The following NKAIN2 variants were observed in gnomAD, a reference collection of about 807,000 sequenced individuals.
NKAIN2 encodes sodium/potassium transporting ATPase interacting 2, also known as sodium/potassium-transporting ATPase subunit beta-1-interacting protein 2.
A neutral mutation model predicts 32.6 loss-of-function variants in NKAIN2; 14 were observed. The ratio of observed to expected loss-of-function variants is 0.43; its 90% CI spans 0.28 to 0.67. NKAIN2 has a LOEUF of 0.67. Among genes scored for constraint, NKAIN2 ranks in the 30% least tolerant of loss-of-function variants. NKAIN2 has a pLI of 0.17. For missense variants in NKAIN2, 198 were observed against 258.3 expected (o/e 0.77, Z 1.60); for synonymous variants, 80 against 87.2 (o/e 0.92, Z 0.46).
chr6:124,446,166 T>G (rs889194905), intron 3 of NKAIN2, among the ~76,000 whole-genome samples: 9 of 152,222 alleles, frequency 5.9e-5, no homozygotes, highest in African/African-American at 2.2e-4. Context: ...AAGCAAACAC[T>G]ACATTATTGC....
intron 3 of NKAIN2, among the ~76,000 whole-genome samples, chr6:124,630,616 G>GACTAAAAAAAAGTGATTGCTATGAATT (rs1783526677): frequency 1.3e-5 from 2 of 151,910 alleles, no homozygotes; most frequent in Admixed American, 6.6e-5. Context: ...GAATTATTTA[G>GACTAAAAAAAAGTGATTGCTATGAATT]ACTAAAAAAA....
rs574264643 is a variant in NKAIN2 at position 124,128,156 on chromosome 6, T to C, written c.55-154849T>C. 3.3e-5 allele frequency among the ~76,000 whole-genome samples: 5 copies of C among 152,230 alleles called. No individual in the cohort carries two copies. In the East Asian group the frequency reaches 5.8e-4, roughly 18 times the overall value. On this transcript the variant is annotated intron_variant, in intron 1 of 6. Coordinates refer to ENST00000368417, the MANE Select transcript of NKAIN2 (RefSeq NM_001040214.3). ...TGGTTGCTATTTTATGTGTTGGCAG[T>C]TGGGAGACCTGACAGTCATTTTTCT...
chr6:124,801,110 A>G (rs1176710407), intron 5 of NKAIN2, among the ~76,000 whole-genome samples: 3 of 152,132 alleles, frequency 2.0e-5, no homozygotes, highest in Non-Finnish European at 4.4e-5. Flanking sequence ...CCAAGGCCCC[A>G]ACTTTTTCAT....
chr6:123,896,790 G>A (rs1274223905), intron 1 of NKAIN2, among the ~76,000 whole-genome samples: 1 of 152,132 alleles, frequency 6.6e-6, no homozygotes, highest in Non-Finnish European at 1.5e-5. Context: ...TCAGATGTAA[G>A]AATTCTGAAA....
Position 124,365,302 on chromosome 6 carries a change from T to G in NKAIN2, c.273+9955T>G, listed in dbSNP as rs557170233. On this transcript the variant is annotated intron_variant, in intron 3 of 6. Transcript: ENST00000368417. Reference sequence around the variant, plus strand: ...ATTGTTGTCTATAAGAGATATGCCTTAAATAGGATTTAAATTATAAGTTAA... The same window carrying G: ...ATTGTTGTCTATAAGAGATATGCCTGAAATAGGATTTAAATTATAAGTTAA... Among the ~76,000 whole-genome samples, 2 of 152,020 alleles carry G rather than the reference T, an allele frequency of 1.3e-5. 1 individual carries two copies. Among genetic ancestry groups the G allele is most frequent in the Admixed American group, 1.3e-4 (2 of 15,270 alleles).
rs537031194 is a variant in NKAIN2 at position 124,377,163 on chromosome 6, A to C, written c.273+21816A>C. ...AATGGGTGATATTTAATATCAGTGC[A>C]TTCTTTGACATTGGATATTTTGAAA... On this transcript the variant is annotated intron_variant, in intron 3 of 6. Transcript: ENST00000368417. Among the ~76,000 whole-genome samples the C allele has an allele frequency of 5.7e-4, 87 of 152,232 alleles. 1 individual carries two copies. Among genetic ancestry groups the C allele is most frequent in the Non-Finnish European group, 1.0e-3 (68 of 68,038 alleles).
chr6:124,075,148 T>G (rs1222188490), intron 1 of NKAIN2, among the ~76,000 whole-genome samples: 1 of 152,164 alleles, frequency 6.6e-6, no homozygotes, highest in African/African-American at 2.4e-5. Context: ...GAGAAAAACT[T>G]CTGTTATTGT....
intron 1 of NKAIN2, among the ~76,000 whole-genome samples, chr6:124,241,025 A>G (rs1793064718): frequency 6.6e-6 from 1 of 152,214 alleles, no homozygotes; most frequent in African/African-American, 2.4e-5. Flanking sequence ...CTTTAAGCTG[A>G]TAAGCAGCTT....
At chr6:124,671,963 A>G (rs865828612) in intron 4 of NKAIN2, among the ~76,000 whole-genome samples, 6 of 151,970 alleles carry the variant, frequency 3.9e-5, no homozygotes, top group African/African-American at 1.2e-4. Context: ...ATTGGCCACC[A>G]AGAACCATAC....
At chr6:124,569,736 G>A (rs1781056059) in intron 3 of NKAIN2, among the ~76,000 whole-genome samples, 1 of 152,106 alleles carries the variant, frequency 6.6e-6, no homozygotes, top group African/African-American at 2.4e-5. Flanking sequence ...TTTCTTCCCA[G>A]TATCAGGTAT....
chr6:124,170,412 C>T (rs1036768266), intron 1 of NKAIN2, among the ~76,000 whole-genome samples: 3 of 152,102 alleles, frequency 2.0e-5, no homozygotes, highest in African/African-American at 7.2e-5. Flanking sequence ...TCTATTTACC[C>T]TAACCTGAAT....
intron 1 of NKAIN2, among the ~76,000 whole-genome samples, chr6:124,086,195 C>T (rs1454957180): frequency 6.6e-6 from 1 of 151,960 alleles, no homozygotes; most frequent in African/African-American, 2.4e-5. Context: ...CCCTCTCCAG[C>T]TCCCAACTCA....
intron 3 of NKAIN2, among the ~76,000 whole-genome samples, chr6:124,623,578 T>C (rs911306049): frequency 2.0e-5 from 3 of 152,186 alleles, no homozygotes; most frequent in African/African-American, 7.2e-5. Context: ...AAGCATAGTA[T>C]GAAATTGTAT....
chr6:123,805,715 A>G (rs1371162776), intron 1 of NKAIN2, among the ~76,000 whole-genome samples: 1 of 152,204 alleles, frequency 6.6e-6, no homozygotes, highest in Non-Finnish European at 1.5e-5. Context: ...TAAACAACCC[A>G]TTAGGCTAAG....
intron 1 of NKAIN2, among the ~76,000 whole-genome samples, chr6:123,911,812 T>TACACAC (rs60501930): frequency 0.014 from 1,212 of 85,010 alleles, 67 homozygotes; most frequent in Middle Eastern, 0.028. Context: ...TATATATATA[T>TACACAC]ACACACACAC....
chr6:124,381,031 C>A (rs1294282050), intron 3 of NKAIN2, among the ~76,000 whole-genome samples: 1 of 152,136 alleles, frequency 6.6e-6, no homozygotes, highest in Non-Finnish European at 1.5e-5. Flanking sequence ...TTGCTCTTCC[C>A]TTTACTTAGT....
intron 1 of NKAIN2, among the ~76,000 whole-genome samples, chr6:124,166,152 A>G (rs1220418128): frequency 7.4e-6 from 1 of 134,262 alleles, no homozygotes; most frequent in Non-Finnish European, 1.6e-5. Flanking sequence ...AAGTGTTCCT[A>G]TTTCTCCACA....
chr6:124,398,185 G>A (rs980035573), intron 3 of NKAIN2, among the ~76,000 whole-genome samples: 40 of 146,920 alleles, frequency 2.7e-4, no homozygotes, highest in Non-Finnish European at 5.5e-4. Flanking sequence ...CCTGGGAGGC[G>A]GAGCTTGCAG....
intron 1 of NKAIN2, among the ~76,000 whole-genome samples, chr6:124,164,236 T>C (rs1788419342): frequency 6.6e-6 from 1 of 151,972 alleles, no homozygotes; most frequent in African/African-American, 2.4e-5. Flanking sequence ...CCACGGAAAA[T>C]AGAGAGCCTA....
Sources: gnomAD v4.1 joint callset for allele counts (sites outside exome capture counted in the v4.1 genomes callset) on GRCh38, gnomAD v4.1.1 for gene constraint, MANE v1.5 for transcripts, NCBI Gene and HGNC (gene_info 2026-07-23, HGNC 2026-07-21) for gene names.